The following CHM variants were observed in gnomAD, a reference collection of about 807,000 sequenced individuals.
CHM encodes CHM Rab escort protein.
Under a neutral mutation model 49.0 loss-of-function variants are expected in CHM, and 10 were observed. The observed-to-expected ratio is 0.20, with a 90% CI of 0.13 to 0.35. CHM has a LOEUF of 0.35. CHM is among the 10% of genes least tolerant of loss of function. CHM has a pLI of 1.00. For missense variants in CHM, 455 were observed against 478.4 expected (o/e 0.95, Z 0.46); for synonymous variants, 184 against 167.5 (o/e 1.10, Z -0.76).
intron 8 of CHM, among the ~76,000 whole-genome samples, chrX:85,929,404 A>G (rs966535114): frequency 1.1e-4 from 12 of 111,862 alleles, no homozygotes; most frequent in Non-Finnish European, 3.8e-5. Context: ...GTTCCTGCCA[A>G]CTGTCACTCC....
chrX:85,983,124 A>G (rs945760692), intron 2 of CHM, among the ~76,000 whole-genome samples: 4 of 111,488 alleles, frequency 3.6e-5, no homozygotes, highest in Non-Finnish European at 7.5e-5. Context: ...TTTACCAAAC[A>G]AATACTGCTT....
In CHM at chrX:85,900,642, T is replaced by G; in HGVS notation, c.1413+4A>C. On this transcript the variant is annotated splice_donor_region_variant and intron_variant, in intron 11 of 14. Coordinates refer to ENST00000357749, the MANE Select transcript of CHM (RefSeq NM_000390.4). ...TTATTAAAAATATATAGGACTGAATTTACCTGTTGATCTGAATCTGTTTTT... is the reference window on the plus strand; with the variant it reads ...TTATTAAAAATATATAGGACTGAATGTACCTGTTGATCTGAATCTGTTTTT... The G allele has an allele frequency of 1.8e-6, 2 of 1,128,197 alleles. No homozygotes were observed. Among genetic ancestry groups the G allele is most frequent in the Non-Finnish European group, 2.4e-6 (2 of 823,917 alleles). The allele number at this position is 1,128,197 out of a possible 1,213,427, so 93.0% of individuals were successfully genotyped here.
chrX:86,037,619 CTG>C (rs1934302819), intron 1 of CHM, among the ~76,000 whole-genome samples: 1 of 111,013 alleles, frequency 9.0e-6, no homozygotes, highest in East Asian at 2.8e-4. Flanking sequence ...ACTCATAAAA[CTG>C]TGAGTCTAAA....
At chrX:85,982,809 T>G (rs1931702176) in intron 2 of CHM, among the ~76,000 whole-genome samples, 1 of 111,080 alleles carries the variant, frequency 9.0e-6, no homozygotes, top group Non-Finnish European at 1.9e-5. Flanking sequence ...TTTAAACAAT[T>G]AAACAAAAAA....
intron 1 of CHM, among the ~76,000 whole-genome samples, chrX:86,030,310 C>T (rs1226337626): frequency 8.9e-6 from 1 of 112,566 alleles, no homozygotes; most frequent in Non-Finnish European, 1.9e-5. Context: ...TGTTAAATGG[C>T]AAGGGCCTAT....
chrX:85,870,243 T>A (rs1053486863), intron 14 of CHM, among the ~76,000 whole-genome samples: 9 of 112,237 alleles, frequency 8.0e-5, no homozygotes, highest in African/African-American at 2.9e-4. Context: ...ATGCTAAGGA[T>A]AGAATCTGAC....
At chrX:85,938,211 AC>A (rs1322478098) in intron 8 of CHM, among the ~76,000 whole-genome samples, 7 of 110,605 alleles carry the variant, frequency 6.3e-5, no homozygotes, top group East Asian at 2.9e-4. Flanking sequence ...TTATCTCACC[AC>A]CCCCTTCTGT....
At chrX:85,941,164 T>A (rs1298979829) in intron 8 of CHM, among the ~76,000 whole-genome samples, 1 of 112,184 alleles carries the variant, frequency 8.9e-6, no homozygotes. Context: ...AAGACACAGA[T>A]GCTTCTTCAA....
At chrX:85,896,408 G>A (rs1925836955) in intron 11 of CHM, among the ~76,000 whole-genome samples, 1 of 111,156 alleles carries the variant, frequency 9.0e-6, no homozygotes, top group African/African-American at 3.3e-5. Context: ...TGTCAGAGAG[G>A]GAAGGAAGAA....
intron 2 of CHM, among the ~76,000 whole-genome samples, chrX:86,004,825 C>T (rs1437841186): frequency 9.0e-6 from 1 of 111,615 alleles, no homozygotes; most frequent in Non-Finnish European, 1.9e-5. Flanking sequence ...GAGACTTTAA[C>T]ACCCCACTGT....
intron 1 of CHM, among the ~76,000 whole-genome samples, chrX:86,044,528 T>A (rs1487803074): frequency 8.9e-6 from 1 of 112,026 alleles, no homozygotes; most frequent in Non-Finnish European, 1.9e-5. Flanking sequence ...ATAACTTCCA[T>A]CTTGACTGCT....
intron 8 of CHM, among the ~76,000 whole-genome samples, chrX:85,913,335 AGAAAG>A (rs1569411144): frequency 1.4e-4 from 9 of 62,885 alleles, no homozygotes; most frequent in African/African-American, 5.4e-4. Context: ...AAAAAAAAAA[AGAAAG>A]AAAGAAAGAA....
intron 2 of CHM, among the ~76,000 whole-genome samples, chrX:86,021,083 C>CAT (rs1243158076): frequency 3.3e-5 from 3 of 90,465 alleles, no homozygotes; most frequent in Non-Finnish European, 6.5e-5. Flanking sequence ...TATATACACA[C>CAT]ATATATATAC....
intron 2 of CHM, among the ~76,000 whole-genome samples, chrX:85,995,401 G>A (rs185813190): frequency 1.8e-5 from 2 of 109,490 alleles, no homozygotes; most frequent in East Asian, 5.8e-4. Flanking sequence ...TTTTGCACTA[G>A]ACCCATTTCA....
intron 4 of CHM, among the ~76,000 whole-genome samples, chrX:85,978,261 G>A (rs748343055): frequency 4.1e-4 from 46 of 111,461 alleles, no homozygotes; most frequent in South Asian, 7.6e-4. Context: ...CAAAATTTAC[G>A]TATTCAAAAA....
At chrX:86,027,711 A>T (rs1371056031) in intron 1 of CHM, among the ~76,000 whole-genome samples, 154 bp from the exon 2 acceptor site, 1 of 112,102 alleles carries the variant, frequency 8.9e-6, no homozygotes, top group Admixed American at 9.5e-5. Context: ...TATTAATTAT[A>T]CTGTAAGATG....
intron 1 of CHM, among the ~76,000 whole-genome samples, chrX:86,029,810 C>G (rs1933970303): frequency 9.0e-6 from 1 of 111,372 alleles, no homozygotes; most frequent in African/African-American, 3.3e-5. Context: ...TGCACAACCT[C>G]AGATAAGTCA....
At chrX:86,005,209 A>T (rs1421586413) in intron 2 of CHM, among the ~76,000 whole-genome samples, 1 of 112,188 alleles carries the variant, frequency 8.9e-6, no homozygotes, top group Admixed American at 9.5e-5. Flanking sequence ...TGTTCTTTGA[A>T]ACCAATGAGA....
intron 8 of CHM, among the ~76,000 whole-genome samples, chrX:85,921,208 AG>A (rs1211226584): frequency 1.8e-5 from 2 of 112,068 alleles, no homozygotes; most frequent in African/African-American, 6.5e-5. Flanking sequence ...GGAGGTAATA[AG>A]TTTCCACATG....
Sources: allele counts gnomAD v4.1 joint callset (sites outside exome capture counted in the v4.1 genomes callset), GRCh38; gene constraint gnomAD v4.1.1; transcripts MANE v1.5; gene names NCBI Gene and HGNC (gene_info 2026-07-23, HGNC 2026-07-21).